The following EPHA6 variants were observed in gnomAD, a reference collection of about 807,000 sequenced individuals.
EPHA6 encodes the protein EPH receptor A6, also known as ephrin type-A receptor 6.
Under a neutral mutation model 112.0 loss-of-function variants are expected in EPHA6, and 50 were observed. The ratio of observed to expected loss-of-function variants is 0.45; its 90% CI spans 0.36 to 0.56. EPHA6 has a LOEUF of 0.56. Ranked by LOEUF, EPHA6 falls within the 20% of genes least tolerant of loss-of-function variation. The probability of loss-of-function intolerance (pLI) is 0.00; values close to 1 mark genes in which losing one functional copy is unlikely to be tolerated. For missense variants in EPHA6, 1,280 were observed against 1,417.4 expected (o/e 0.90, Z 1.56); for synonymous variants, 529 against 490.7 (o/e 1.08, Z -1.03).
intron 6 of EPHA6, among the ~76,000 whole-genome samples, chr3:97,443,952 A>G (rs767987496): frequency 3.9e-5 from 6 of 152,106 alleles, no homozygotes; most frequent in Non-Finnish European, 8.8e-5. Flanking sequence ...AAAAAGCACA[A>G]CTTCGATGGA....
intron 14 of EPHA6, among the ~76,000 whole-genome samples, chr3:97,705,995 A>C (rs2033658569): frequency 1.3e-5 from 2 of 152,194 alleles, no homozygotes; most frequent in South Asian, 4.1e-4. Flanking sequence ...GATATACTTA[A>C]ACCTGAGCAA....
At chr3:97,387,145 G>T (rs1166144880) in intron 5 of EPHA6, among the ~76,000 whole-genome samples, 1 of 152,190 alleles carries the variant, frequency 6.6e-6, no homozygotes, top group Non-Finnish European at 1.5e-5. Flanking sequence ...ATGCCTTGGA[G>T]GCATTTTCCC....
At chr3:97,180,832 G>C (rs2076967531) in intron 3 of EPHA6, among the ~76,000 whole-genome samples, 1 of 152,090 alleles carries the variant, frequency 6.6e-6, no homozygotes, top group East Asian at 1.9e-4. Context: ...GGGGAGGCTT[G>C]ATGCCAGCCC....
At chr3:97,170,230 A>G (rs2076660833) in intron 3 of EPHA6, among the ~76,000 whole-genome samples, 1 of 152,078 alleles carries the variant, frequency 6.6e-6, no homozygotes, top group African/African-American at 2.4e-5. Context: ...TTTAGGTTTT[A>G]TGGTTGAAGG....
intron 2 of EPHA6, 148 bp downstream of exon 2, chr3:96,867,037 A>T: frequency 2.2e-6 from 1 of 446,760 alleles, no homozygotes; most frequent in Non-Finnish European, 4.0e-6. Flanking sequence ...TACAATTAGA[A>T]CTGGTAATCA....
chr3:97,395,046 G>A (rs1433447422), intron 5 of EPHA6, among the ~76,000 whole-genome samples: 1 of 151,486 alleles, frequency 6.6e-6, no homozygotes, highest in Non-Finnish European at 1.5e-5. Flanking sequence ...GAATTAAGAT[G>A]TGATATTTCA....
intron 1 of EPHA6, among the ~76,000 whole-genome samples, chr3:96,862,599 T>C (rs931113995): frequency 6.6e-6 from 1 of 151,928 alleles, no homozygotes; most frequent in Non-Finnish European, 1.5e-5. Flanking sequence ...TGTGTAATTT[T>C]TCAAAGTGAT....
At chr3:97,184,067 A>G (rs995992040) in intron 3 of EPHA6, among the ~76,000 whole-genome samples, 2 of 152,152 alleles carry the variant, frequency 1.3e-5, no homozygotes, top group African/African-American at 4.8e-5. Context: ...AAATGTTTGT[A>G]TAACATTAAT....
intron 3 of EPHA6, among the ~76,000 whole-genome samples, chr3:97,011,789 C>G: frequency 6.6e-6 from 1 of 152,116 alleles, no homozygotes; most frequent in East Asian, 1.9e-4. Flanking sequence ...CAACCCTTAT[C>G]CCCCACCCGG....
chr3:96,998,398 G>C (rs1282245726), intron 3 of EPHA6, among the ~76,000 whole-genome samples: 1 of 151,674 alleles, frequency 6.6e-6, no homozygotes, highest in African/African-American at 2.4e-5. Flanking sequence ...CCTTTCTTTT[G>C]GGTTCAAAAG....
intron 2 of EPHA6, among the ~76,000 whole-genome samples, chr3:96,937,271 GT>G (rs2040643549): frequency 6.6e-6 from 1 of 152,114 alleles, no homozygotes; most frequent in African/African-American, 2.4e-5. Flanking sequence ...AGCACCTGTT[GT>G]TTCCTGACTT....
At chr3:97,169,412 T>C (rs2076630188) in intron 3 of EPHA6, among the ~76,000 whole-genome samples, 1 of 152,164 alleles carries the variant, frequency 6.6e-6, no homozygotes, top group Admixed American at 6.6e-5. Context: ...AGAATTACCT[T>C]CAATGCCTAA....
chr3:97,648,872 A>G (rs2094087027), intron 14 of EPHA6, among the ~76,000 whole-genome samples: 1 of 152,174 alleles, frequency 6.6e-6, no homozygotes, highest in Non-Finnish European at 1.5e-5. Flanking sequence ...TCATCAAGTC[A>G]CTGCTGGTGG....
intron 12 of EPHA6, among the ~76,000 whole-genome samples, chr3:97,600,900 CT>C (rs2093638144): frequency 6.6e-6 from 1 of 151,584 alleles, no homozygotes; most frequent in Non-Finnish European, 1.5e-5. Flanking sequence ...CATGAAAAAT[CT>C]TAAAAGAGCC....
chr3:97,065,488 A>G (rs933722957), intron 3 of EPHA6, among the ~76,000 whole-genome samples: 1 of 152,140 alleles, frequency 6.6e-6, no homozygotes, highest in African/African-American at 2.4e-5. Flanking sequence ...ACCTGTGTGT[A>G]GAACTCAAGG....
intron 10 of EPHA6, among the ~76,000 whole-genome samples, chr3:97,489,833 C>T (rs988607178): frequency 4.6e-5 from 7 of 151,974 alleles, no homozygotes; most frequent in African/African-American, 1.7e-4. Flanking sequence ...TAAAACTATT[C>T]TACAGTAGTC....
At chr3:97,744,603 G>T (rs1254666693) in intron 16 of EPHA6, among the ~76,000 whole-genome samples, 1 of 151,918 alleles carries the variant, frequency 6.6e-6, no homozygotes, top group East Asian at 1.9e-4. Context: ...GGGAATTATG[G>T]TATTAAAGCA....
chr3:97,490,011 T>A (rs187921580), intron 10 of EPHA6, among the ~76,000 whole-genome samples: 33 of 152,206 alleles, frequency 2.2e-4, no homozygotes, highest in African/African-American at 7.5e-4. Context: ...ACATTTTCTA[T>A]CTTATATACA....
chr3:97,502,331 G>T (rs1303449662), intron 10 of EPHA6, among the ~76,000 whole-genome samples: 1 of 151,554 alleles, frequency 6.6e-6, no homozygotes, highest in Non-Finnish European at 1.5e-5. Flanking sequence ...ATCACATCTG[G>T]TTAATTTTTG....
Sources: gnomAD v4.1 joint callset for allele counts (sites outside exome capture counted in the v4.1 genomes callset) on GRCh38, gnomAD v4.1.1 for gene constraint, MANE v1.5 for transcripts, NCBI Gene and HGNC (gene_info 2026-07-23, HGNC 2026-07-21) for gene names.